Variants in SLC24A2 observed in about 807,000 individuals in gnomAD.
SLC24A2 encodes the protein solute carrier family 24 member 2.
A neutral mutation model predicts 62.0 loss-of-function variants in SLC24A2; 36 were observed. The observed-to-expected ratio is 0.58, with a 90% CI of 0.44 to 0.77. SLC24A2 has a LOEUF of 0.77. Among genes scored for constraint, SLC24A2 ranks in the 30% least tolerant of loss-of-function variants. The probability of loss-of-function intolerance (pLI) is 0.00; values close to 1 mark genes in which losing one functional copy is unlikely to be tolerated. For missense variants in SLC24A2, 846 were observed against 817.9 expected (o/e 1.03, Z -0.42); for synonymous variants, 358 against 294.0 (o/e 1.22, Z -2.23).
the SLC24A2 span, among the ~76,000 whole-genome samples, chr9:20,267,903 G>A: frequency 4.6e-5 from 7 of 152,078 alleles, no homozygotes; most frequent in African/African-American, 1.7e-4. Context: ...CCTACTGGGT[G>A]CCAGGAAGTG....
At chr9:19,951,625 C>T in the SLC24A2 span, among the ~76,000 whole-genome samples, 1 of 151,820 alleles carries the variant, frequency 6.6e-6, no homozygotes, top group African/African-American at 2.4e-5. Flanking sequence ...TATCGTTTTT[C>T]CATTGAATTG....
chr9:19,723,051 A>C (rs1228345562), intron 2 of SLC24A2, among the ~76,000 whole-genome samples: 1 of 152,168 alleles, frequency 6.6e-6, no homozygotes, highest in African/African-American at 2.4e-5. Context: ...ACAGCACATA[A>C]AATATTGGGG....
At chr9:20,078,811 G>T in the SLC24A2 span, among the ~76,000 whole-genome samples, 3 of 150,778 alleles carry the variant, frequency 2.0e-5, no homozygotes, top group South Asian at 6.2e-4. Flanking sequence ...CATTCCCTAT[G>T]GCAGCCCTCA....
chr9:20,297,625 G>T, the SLC24A2 span, among the ~76,000 whole-genome samples: 1 of 152,230 alleles, frequency 6.6e-6, no homozygotes, highest in Admixed American at 6.5e-5. Context: ...CTAGGCAGCT[G>T]CCAGAAATCC....
chr9:19,534,103 G>T (rs1244214978), intron 8 of SLC24A2, among the ~76,000 whole-genome samples: 1 of 152,150 alleles, frequency 6.6e-6, no homozygotes, highest in Admixed American at 6.5e-5. Flanking sequence ...TTCACAGAGG[G>T]GAAAAAATTC....
chr9:20,116,686 A>G, the SLC24A2 span, among the ~76,000 whole-genome samples: 1 of 152,192 alleles, frequency 6.6e-6, no homozygotes, highest in East Asian at 1.9e-4. Context: ...GTAAAAATTC[A>G]ATGCATACTT....
At chr9:19,611,253 G>C (rs1182561063) in intron 4 of SLC24A2, among the ~76,000 whole-genome samples, 1 of 151,106 alleles carries the variant, frequency 6.6e-6, no homozygotes, top group Non-Finnish European at 1.5e-5. Flanking sequence ...CAGAGAAGCA[G>C]AACAAGGGAA....
chr9:19,522,991 A>C (rs1167485600), intron 9 of SLC24A2, among the ~76,000 whole-genome samples: 1 of 152,178 alleles, frequency 6.6e-6, no homozygotes, highest in Non-Finnish European at 1.5e-5. Flanking sequence ...ATTCTTAATA[A>C]TTAAATTCTT....
chr9:19,708,124 G>T (rs1386365536), intron 2 of SLC24A2, among the ~76,000 whole-genome samples: 2 of 152,106 alleles, frequency 1.3e-5, no homozygotes, highest in Admixed American at 1.3e-4. Flanking sequence ...GACAAACAGA[G>T]AGCCAAATCA....
chr9:20,168,137 A>G, the SLC24A2 span, among the ~76,000 whole-genome samples: 3 of 152,026 alleles, frequency 2.0e-5, no homozygotes, highest in Admixed American at 6.6e-5. Context: ...ATGTCTACCA[A>G]TCTATACTTA....
intron 8 of SLC24A2, among the ~76,000 whole-genome samples, chr9:19,530,580 C>T (rs1833656472): frequency 6.6e-6 from 1 of 152,150 alleles, no homozygotes; most frequent in African/African-American, 2.4e-5. Flanking sequence ...AATATCATAA[C>T]TGAGCTACAG....
chr9:19,545,280 G>A (rs1563950743), intron 8 of SLC24A2, among the ~76,000 whole-genome samples: 1 of 151,794 alleles, frequency 6.6e-6, no homozygotes, highest in Non-Finnish European at 1.5e-5. Context: ...GCTCCATCAG[G>A]TCATTTATGT....
At chr9:19,907,468 T>C in the SLC24A2 span, among the ~76,000 whole-genome samples, 5 of 152,212 alleles carry the variant, frequency 3.3e-5, no homozygotes, top group African/African-American at 1.2e-4. Flanking sequence ...TGTTGGAAGT[T>C]CTAGCCAGGG....
At chr9:19,543,888 G>C (rs180990774) in intron 8 of SLC24A2, among the ~76,000 whole-genome samples, 37 of 152,294 alleles carry the variant, frequency 2.4e-4, no homozygotes, top group Admixed American at 3.9e-4. Flanking sequence ...ATGAGGTGCT[G>C]AGAAGAATGT....
At chr9:19,533,660 C>G (rs1833813214) in intron 8 of SLC24A2, among the ~76,000 whole-genome samples, 1 of 152,172 alleles carries the variant, frequency 6.6e-6, no homozygotes, top group African/African-American at 2.4e-5. Context: ...CCAACCAGCT[C>G]CCAGCCATTA....
the SLC24A2 span, among the ~76,000 whole-genome samples, chr9:20,181,374 G>A: frequency 5.9e-5 from 9 of 152,250 alleles, 1 homozygote; most frequent in South Asian, 1.9e-3. Context: ...CGTGGTAGAT[G>A]ACTTCAAACT....
the SLC24A2 span, among the ~76,000 whole-genome samples, chr9:20,235,706 C>T: frequency 4.3e-4 from 65 of 152,284 alleles, no homozygotes; most frequent in East Asian, 0.011. Flanking sequence ...TGCCCTGCTT[C>T]GGCTCGCACA....
chr9:19,599,902 T>A lies in SLC24A2; in HGVS notation c.1079-2623A>T, dbSNP rs992721124. ...TGGCTTGCAACCAGCACACTCTCCATAATGAATAACTAAGGCACTTTGAAC... is the reference window on the plus strand; with the variant it reads ...TGGCTTGCAACCAGCACACTCTCCAAAATGAATAACTAAGGCACTTTGAAC... On this transcript the variant is annotated intron_variant, in intron 4 of 10. Coordinates refer to ENST00000341998, the MANE Select transcript of SLC24A2 (RefSeq NM_020344.4). This position sits in a 1 kb window ranked among gnomAD's most constrained non-coding sequence, Gnocchi z 4.5. Among the ~76,000 whole-genome samples, 1 of 152,170 alleles carries A rather than the reference T, an allele frequency of 6.6e-6. No individual in the cohort carries two copies. Among genetic ancestry groups the A allele is most frequent in the Non-Finnish European group, 1.5e-5 (1 of 68,032 alleles).
chr9:19,982,099 G>C, the SLC24A2 span, among the ~76,000 whole-genome samples: 1 of 152,152 alleles, frequency 6.6e-6, no homozygotes, highest in African/African-American at 2.4e-5. Context: ...TGGCTAGGGG[G>C]AGGAGAAGTG....
Sources: allele counts gnomAD v4.1 joint callset (sites outside exome capture counted in the v4.1 genomes callset), GRCh38; gene constraint gnomAD v4.1.1; non-coding constraint Gnocchi (gnomAD v3.1); transcripts MANE v1.5; gene names NCBI Gene and HGNC (gene_info 2026-07-23, HGNC 2026-07-21).